Variants in CCDC171 observed in about 807,000 individuals in gnomAD.
CCDC171 encodes the protein coiled-coil domain-containing protein 171.
Under a neutral mutation model 168.2 loss-of-function variants are expected in CCDC171, and 177 were observed. The ratio of observed to expected loss-of-function variants is 1.05; its 90% CI spans 0.93 to 1.19. The LOEUF (loss-of-function observed/expected upper bound fraction) is 1.19, where lower values mean the gene tolerates loss of function less well. Ranked by LOEUF, CCDC171 falls within the 50% of genes most tolerant of loss-of-function variation. The pLI is 0.00. For synonymous variants in CCDC171, 687 were observed against 540.8 expected, an observed-to-expected ratio of 1.27 and a Z score of -3.75; for missense variants, 1,991 against 1,539.0, an observed-to-expected ratio of 1.29 and a Z score of -4.91.
intron 6 of CCDC171, among the ~76,000 whole-genome samples, chr9:15,619,742 A>G (rs2044362517): frequency 6.6e-6 from 1 of 152,230 alleles, no homozygotes; most frequent in African/African-American, 2.4e-5. Flanking sequence ...ACAATCTTCT[A>G]CTGGAAGGTG....
At chr9:15,712,106 G>A (rs2052714432) in intron 11 of CCDC171, among the ~76,000 whole-genome samples, 1 of 152,200 alleles carries the variant, frequency 6.6e-6, no homozygotes, top group Non-Finnish European at 1.5e-5. Flanking sequence ...AAGACAGCAA[G>A]GCAGAGAGAA....
rs1276028166 is a variant in CCDC171, at chr9:15,821,635, A to C, written c.3268-25067A>C. On this transcript the variant is annotated intron_variant, in intron 21 of 25. Transcript: ENST00000380701. ...GGAATCCAACTTACAAGGGACGTGA[A>C]GGACCTCTTCAAGGAGAACTACAAA... is the stretch of plus-strand genomic sequence containing the variant. Among the ~76,000 whole-genome samples, 2 of 117,112 alleles carry C rather than the reference A, an allele frequency of 1.7e-5. 1 individual carries two copies. The highest frequency in any genetic ancestry group is 3.8e-5 in the Non-Finnish European group (2 of 52,264). The allele number at this position is 117,112 out of a possible 152,430, so 76.8% of individuals were successfully genotyped here. A position where few individuals can be genotyped will look rare whatever the true frequency, so the allele number is the denominator to read the frequency against.
intron 18 of CCDC171, among the ~76,000 whole-genome samples, chr9:15,754,432 T>C (rs1313937231): frequency 1.3e-5 from 2 of 152,158 alleles, no homozygotes; most frequent in Non-Finnish European, 2.9e-5. Flanking sequence ...TTGTGTATAA[T>C]ACCTGGCAGT....
downstream of CCDC171, among the ~76,000 whole-genome samples, chr9:15,976,331 GA>G (rs1389633341): frequency 6.6e-6 from 1 of 151,904 alleles, no homozygotes; most frequent in Non-Finnish European, 1.5e-5. Flanking sequence ...TTCATAACTT[GA>G]ATTTTCAAAT....
chr9:15,616,126 A>T (rs891816953), intron 6 of CCDC171, among the ~76,000 whole-genome samples: 1 of 151,942 alleles, frequency 6.6e-6, no homozygotes, highest in African/African-American at 2.4e-5. Context: ...AATTTTTTGT[A>T]CTTTTAGTAG....
chr9:15,859,530 C>T (rs1018188006), intron 23 of CCDC171, among the ~76,000 whole-genome samples: 4 of 151,898 alleles, frequency 2.6e-5, no homozygotes, highest in African/African-American at 9.7e-5. Flanking sequence ...TTTTCTTTGT[C>T]AGAAGATTTT....
intron 25 of CCDC171, among the ~76,000 whole-genome samples, chr9:15,927,240 T>C (rs1825995518): frequency 6.6e-6 from 1 of 151,806 alleles, no homozygotes; most frequent in East Asian, 1.9e-4. Context: ...TCCGGTATGT[T>C]GGTCTTTGGC....
At chr9:15,910,422 C>A (rs1450903154) in intron 24 of CCDC171, among the ~76,000 whole-genome samples, 1 of 152,070 alleles carries the variant, frequency 6.6e-6, no homozygotes, top group African/African-American at 2.4e-5. Flanking sequence ...TTCCATTGAT[C>A]TGTATGTCTG....
chr9:15,907,431 G>A (rs1382043153), intron 24 of CCDC171, among the ~76,000 whole-genome samples: 1 of 152,178 alleles, frequency 6.6e-6, no homozygotes, highest in Non-Finnish European at 1.5e-5. Flanking sequence ...TTAATAAATG[G>A]TGCTTGGAAA....
At chr9:15,596,224 C>A (rs1461657936) in intron 6 of CCDC171, among the ~76,000 whole-genome samples, 1 of 152,096 alleles carries the variant, frequency 6.6e-6, no homozygotes, top group Non-Finnish European at 1.5e-5. Flanking sequence ...TTGCCCATGC[C>A]TATGTCCTGA....
chr9:15,886,749 T>C (rs1819452205), intron 24 of CCDC171: 1 of 92,966 alleles, frequency 1.1e-5, no homozygotes, highest in South Asian at 5.0e-4. Flanking sequence ...ACAGAGGAAA[T>C]GTTTATACAC....
At chr9:15,912,185 G>A (rs1170708405) in intron 24 of CCDC171, among the ~76,000 whole-genome samples, 2 of 152,192 alleles carry the variant, frequency 1.3e-5, no homozygotes, top group Non-Finnish European at 2.9e-5. Context: ...TCATGAGCAT[G>A]GAATGTTTTT....
intron 4 of CCDC171, among the ~76,000 whole-genome samples, chr9:15,584,095 C>T (rs1195097225): frequency 6.6e-6 from 1 of 152,158 alleles, no homozygotes; most frequent in African/African-American, 2.4e-5. Context: ...TCTTGAACTC[C>T]TGACCTTGTG....
chr9:15,688,845 T>C (rs1378416743), intron 10 of CCDC171, among the ~76,000 whole-genome samples: 2 of 152,192 alleles, frequency 1.3e-5, no homozygotes, highest in African/African-American at 2.4e-5. Flanking sequence ...TACTGGAGGT[T>C]CTAGCCAGTG....
chr9:16,080,269 A>C, the CCDC171 span, among the ~76,000 whole-genome samples: 1 of 152,152 alleles, frequency 6.6e-6, no homozygotes, highest in South Asian at 2.1e-4. Flanking sequence ...AAATGGTCTA[A>C]ATATTATAGT....
chr9:15,826,015 A>G (rs1196537993), intron 21 of CCDC171, among the ~76,000 whole-genome samples: 5 of 152,010 alleles, frequency 3.3e-5, no homozygotes, highest in Admixed American at 3.3e-4. Flanking sequence ...GAAGTTGAAT[A>G]TCCTGGTTCT....
chr9:15,869,252 A>G (rs958232073), intron 23 of CCDC171, among the ~76,000 whole-genome samples: 1 of 151,932 alleles, frequency 6.6e-6, no homozygotes, highest in Non-Finnish European at 1.5e-5. Flanking sequence ...CTGTCTGTCC[A>G]TTTGATTAAT....
chr9:15,798,694 T>C (rs2058674624), intron 21 of CCDC171, among the ~76,000 whole-genome samples: 1 of 152,176 alleles, frequency 6.6e-6, no homozygotes, highest in African/African-American at 2.4e-5. Flanking sequence ...ATTAAAATAT[T>C]GTCTGTGGCT....
intron 21 of CCDC171, among the ~76,000 whole-genome samples, chr9:15,795,933 C>A (rs1219002326): frequency 1.3e-5 from 2 of 152,102 alleles, no homozygotes; most frequent in African/African-American, 4.8e-5. Context: ...TAGAAGGAAA[C>A]GTGAAAATGT....
Sources: allele counts gnomAD v4.1 joint callset (sites outside exome capture counted in the v4.1 genomes callset), GRCh38; gene constraint gnomAD v4.1.1; transcripts MANE v1.5; gene names NCBI Gene and HGNC (gene_info 2026-07-23, HGNC 2026-07-21).